Variants in ARHGEF3 observed in about 807,000 individuals in gnomAD.
The protein encoded by ARHGEF3 is Rho guanine nucleotide exchange factor 3, also known as 59.8 kDA protein.
Under a neutral mutation model 63.2 loss-of-function variants are expected in ARHGEF3, and 28 were observed. The ratio of observed to expected loss-of-function variants is 0.44; its 90% confidence interval spans 0.33 to 0.61. The LOEUF is 0.61. Among genes scored for constraint, ARHGEF3 ranks in the 20% least tolerant of loss-of-function variants. The pLI is 0.03. For missense variants in ARHGEF3, 533 were observed against 659.3 expected (o/e 0.81, Z 2.10); for synonymous variants, 266 against 254.2 (o/e 1.05, Z -0.44).
In ARHGEF3 at chr3:57,044,663, G is replaced by A. The variant is rs184096621; in HGVS notation, c.-27-9487C>T. Among the ~76,000 whole-genome samples the A allele has an allele frequency of 2.1e-3, 327 of 152,262 alleles. 4 individuals are homozygous for A. The highest frequency in any genetic ancestry group is 7.6e-3 in the African/African-American group (315 of 41,570). On this transcript the variant is annotated intron_variant, in intron 1 of 12. Transcript: ENST00000338458. The stretch of plus-strand genomic sequence containing the variant: ...TGTACAAGCTGGTACTGTGGGCATG[G>A]TCTCCATCACATGTTCATTTGGGGA...
intron 1 of ARHGEF3, among the ~76,000 whole-genome samples, chr3:56,790,635 C>A (rs2037031906): frequency 6.6e-6 from 1 of 152,142 alleles, no homozygotes; most frequent in Non-Finnish European, 1.5e-5. Context: ...TCTGTATTTG[C>A]CTGGGGTCGT....
chr3:56,929,931 A>G (rs2042366850), intron 3 of ARHGEF3, among the ~76,000 whole-genome samples: 2 of 152,162 alleles, frequency 1.3e-5, no homozygotes, highest in Admixed American at 6.5e-5. Flanking sequence ...CCCAAAGGAC[A>G]ATGCAACTGA....
chr3:56,855,172 G>A (rs1231071092), intron 4 of ARHGEF3, among the ~76,000 whole-genome samples: 1 of 152,048 alleles, frequency 6.6e-6, no homozygotes, highest in Non-Finnish European at 1.5e-5. Context: ...GTGAGGGGCA[G>A]GAGGGAGGGG....
intron 1 of ARHGEF3, among the ~76,000 whole-genome samples, chr3:56,778,883 A>C (rs2036410331): frequency 6.6e-6 from 1 of 152,120 alleles, no homozygotes; most frequent in Non-Finnish European, 1.5e-5. Flanking sequence ...TAACATGTAG[A>C]CATTATTCTT....
intron 4 of ARHGEF3, among the ~76,000 whole-genome samples, chr3:56,869,811 GA>G (rs892825856): frequency 5.9e-5 from 9 of 151,628 alleles, no homozygotes; most frequent in Non-Finnish European, 1.3e-4. Flanking sequence ...CTCCAGCCTG[GA>G]AAAAAAATCA....
At chr3:56,816,668 C>T (rs1017027716) in intron 4 of ARHGEF3, among the ~76,000 whole-genome samples, 8 of 152,198 alleles carry the variant, frequency 5.3e-5, no homozygotes, top group African/African-American at 1.9e-4. Context: ...TTACAACAAT[C>T]CTATGAAATG....
At chr3:56,877,777 G>C (rs1246131437) in intron 4 of ARHGEF3, among the ~76,000 whole-genome samples, 1 of 152,128 alleles carries the variant, frequency 6.6e-6, no homozygotes, top group Non-Finnish European at 1.5e-5. Flanking sequence ...GACATGCAAA[G>C]CAGAAATAAA....
At chr3:56,759,708 C>T (rs541761935) in intron 2 of ARHGEF3, among the ~76,000 whole-genome samples, 1 of 152,044 alleles carries the variant, frequency 6.6e-6, no homozygotes, top group South Asian at 2.1e-4. Flanking sequence ...GCCTGGCTAA[C>T]TTTTGTATTT....
At chr3:56,909,362 G>T (rs781564493) in intron 3 of ARHGEF3, among the ~76,000 whole-genome samples, 1 of 152,182 alleles carries the variant, frequency 6.6e-6, no homozygotes, top group Non-Finnish European at 1.5e-5. Context: ...CACAAAGTGC[G>T]CATGGAAATA....
chr3:56,803,351 A>G (rs2037743709), upstream of ARHGEF3, among the ~76,000 whole-genome samples: 1 of 152,134 alleles, frequency 6.6e-6, no homozygotes, highest in East Asian at 1.9e-4. Flanking sequence ...AGGTGGGAGG[A>G]TCACTTGAGC....
intron 4 of ARHGEF3, among the ~76,000 whole-genome samples, chr3:56,835,420 C>T (rs1350187481): frequency 2.6e-5 from 4 of 152,116 alleles, no homozygotes; most frequent in African/African-American, 9.7e-5. Context: ...AGGTGATCCA[C>T]CCGCCTCGGC....
chr3:56,777,125 A>G (rs894512445), intron 1 of ARHGEF3, among the ~76,000 whole-genome samples: 4 of 152,236 alleles, frequency 2.6e-5, no homozygotes, highest in Non-Finnish European at 5.9e-5. Context: ...GTGATTATTA[A>G]TAAGATTTCA....
chr3:56,876,820 C>T (rs1482224324), intron 4 of ARHGEF3, among the ~76,000 whole-genome samples: 1 of 152,226 alleles, frequency 6.6e-6, no homozygotes, highest in African/African-American at 2.4e-5. Context: ...CCAGCTCCAT[C>T]CCCACCAGTC....
At chr3:56,842,975 A>T (rs1202502022) in intron 4 of ARHGEF3, among the ~76,000 whole-genome samples, 2 of 152,162 alleles carry the variant, frequency 1.3e-5, no homozygotes, top group African/African-American at 4.8e-5. Context: ...TATTTTACTT[A>T]AAAAAACCCT....
chr3:56,798,225 A>G (rs757554603), intron 1 of ARHGEF3, among the ~76,000 whole-genome samples: 1 of 152,242 alleles, frequency 6.6e-6, no homozygotes, highest in Non-Finnish European at 1.5e-5. Context: ...GTATTCAGCT[A>G]TTCATGAGAT....
At chr3:56,811,342 G>A (rs148540828) in intron 4 of ARHGEF3, among the ~76,000 whole-genome samples, 182 of 139,320 alleles carry the variant, frequency 1.3e-3, no homozygotes, top group African/African-American at 4.6e-3. Context: ...GGCTTGAGAT[G>A]TTTACTTGAA....
At chr3:56,784,518 C>T (rs752106522) in intron 1 of ARHGEF3, among the ~76,000 whole-genome samples, 50 of 152,236 alleles carry the variant, frequency 3.3e-4, no homozygotes, top group Middle Eastern at 3.4e-3. Context: ...TTTGGGGTTC[C>T]GGAGTCAGTC....
At chr3:56,970,933 C>T (rs1170174550) in intron 2 of ARHGEF3, among the ~76,000 whole-genome samples, 1 of 152,168 alleles carries the variant, frequency 6.6e-6, no homozygotes, top group African/African-American at 2.4e-5. Context: ...TAACAAGACC[C>T]CCCTCTCACA....
intron 2 of ARHGEF3, among the ~76,000 whole-genome samples, chr3:56,972,633 T>C (rs1372573777): frequency 3.9e-5 from 6 of 151,978 alleles, no homozygotes; most frequent in Non-Finnish European, 5.9e-5. Flanking sequence ...GTGGACAGGA[T>C]AGCTCATGCA....
Sources: gnomAD v4.1 joint callset for allele counts (sites outside exome capture counted in the v4.1 genomes callset) on GRCh38, gnomAD v4.1.1 for gene constraint, MANE v1.5 for transcripts, NCBI Gene and HGNC (gene_info 2026-07-23, HGNC 2026-07-21) for gene names.